TENM3: variants seen among roughly 807,000 people sequenced by gnomAD.
TENM3 encodes teneurin-3.
TENM3 carries 63 observed loss-of-function variants against 255.1 expected under a neutral mutation model. The observed-to-expected ratio is 0.25, with a 90% CI of 0.20 to 0.30. The LOEUF (loss-of-function observed/expected upper bound fraction) is 0.30, where lower values mean the gene tolerates loss of function less well. Among genes scored for constraint, TENM3 ranks in the 10% least tolerant of loss-of-function variants. The pLI, the probability that TENM3 is intolerant of heterozygous loss-of-function variation, is 1.00. For synonymous variants in TENM3, 1,306 were observed against 1,322.3 expected (o/e 0.99, Z 0.27); for missense variants, 2,929 against 3,461.1 (o/e 0.85, Z 3.86).
At chr4:181,615,879 T>C in the TENM3 span, among the ~76,000 whole-genome samples, 2 of 152,222 alleles carry the variant, frequency 1.3e-5, no homozygotes, top group Non-Finnish European at 2.9e-5. Context: ...GAGAAAGTCA[T>C]TTTATTATCC....
At chr4:181,959,376 G>A in the TENM3 span, among the ~76,000 whole-genome samples, 45 of 152,282 alleles carry the variant, frequency 3.0e-4, no homozygotes, top group Non-Finnish European at 6.2e-4. Flanking sequence ...GGATAACCAC[G>A]TAGCTCCAGT....
chr4:182,614,995 C>T (rs958104609), intron 4 of TENM3, among the ~76,000 whole-genome samples: 1 of 125,550 alleles, frequency 8.0e-6, no homozygotes, highest in South Asian at 2.5e-4. Context: ...TCAGCAGTTT[C>T]GAAGAAGAGT....
intron 3 of TENM3, among the ~76,000 whole-genome samples, chr4:182,459,127 C>T (rs1774127577): frequency 6.6e-6 from 1 of 152,204 alleles, no homozygotes; most frequent in Non-Finnish European, 1.5e-5. Context: ...TGCTTGCCTT[C>T]CTTCACAGGC....
intron 5 of TENM3, among the ~76,000 whole-genome samples, chr4:182,631,165 A>C (rs1227614688): frequency 1.3e-5 from 2 of 151,290 alleles, no homozygotes; most frequent in Non-Finnish European, 2.9e-5. Flanking sequence ...CTTTGCTTTT[A>C]TTTTTCCCCA....
the TENM3 span, among the ~76,000 whole-genome samples, chr4:181,908,361 G>C: frequency 2.0e-5 from 3 of 152,042 alleles, no homozygotes; most frequent in Non-Finnish European, 4.4e-5. Flanking sequence ...TGGTGTTAAG[G>C]GACATATTTC....
At chr4:182,389,835 G>A (rs897451597) in intron 3 of TENM3, among the ~76,000 whole-genome samples, 8 of 151,886 alleles carry the variant, frequency 5.3e-5, no homozygotes, top group South Asian at 2.1e-4. Context: ...ACAGGCGCCC[G>A]CCACCACTCC....
chr4:181,875,157 A>T, the TENM3 span, among the ~76,000 whole-genome samples: 1 of 152,174 alleles, frequency 6.6e-6, no homozygotes, highest in Admixed American at 6.6e-5. Flanking sequence ...CTAGCCAAAT[A>T]AAATACCCAC....
the TENM3 span, among the ~76,000 whole-genome samples, chr4:181,893,440 A>G: frequency 1.3e-5 from 2 of 151,122 alleles, no homozygotes; most frequent in Non-Finnish European, 2.9e-5. Context: ...CATCTAAGAC[A>G]CATTTCAAAA....
At chr4:181,605,605 G>GAAAGA in the TENM3 span, among the ~76,000 whole-genome samples, 2 of 122,304 alleles carry the variant, frequency 1.6e-5, no homozygotes, top group East Asian at 4.8e-4. Context: ...AAGAAAGAAA[G>GAAAGA]AAAGAAAGAA....
the TENM3 span, among the ~76,000 whole-genome samples, chr4:181,472,266 G>A: frequency 2.6e-5 from 4 of 152,244 alleles, no homozygotes; most frequent in South Asian, 6.2e-4. Flanking sequence ...GCTTGAGAGA[G>A]GACAGTGGAG....
At chr4:181,778,603 T>G in the TENM3 span, among the ~76,000 whole-genome samples, 1 of 152,182 alleles carries the variant, frequency 6.6e-6, no homozygotes, top group Non-Finnish European at 1.5e-5. Flanking sequence ...TCCCACTTTA[T>G]TAGTCAGTTT....
chr4:182,445,977 C>T (rs1772881292), intron 3 of TENM3, among the ~76,000 whole-genome samples: 1 of 152,194 alleles, frequency 6.6e-6, no homozygotes, highest in African/African-American at 2.4e-5. Context: ...TTACACGTCT[C>T]TGTGGAACTC....
the TENM3 span, among the ~76,000 whole-genome samples, chr4:181,834,280 A>G: frequency 6.6e-6 from 1 of 152,140 alleles, no homozygotes; most frequent in African/African-American, 2.4e-5. Flanking sequence ...ATTTTGTGTC[A>G]TGTTTGTTTG....
chr4:182,784,186 T>C (rs1765415079), intron 24 of TENM3, among the ~76,000 whole-genome samples: 1 of 152,206 alleles, frequency 6.6e-6, no homozygotes, highest in Non-Finnish European at 1.5e-5. Flanking sequence ...TTTGTGGTTT[T>C]ATCTACTTTT....
At chr4:182,033,706 A>C in the TENM3 span, among the ~76,000 whole-genome samples, 1 of 152,258 alleles carries the variant, frequency 6.6e-6, no homozygotes, top group Non-Finnish European at 1.5e-5. Flanking sequence ...CTGTTTTATG[A>C]AGCTGGGTGC....
At chr4:181,938,711 A>G in the TENM3 span, among the ~76,000 whole-genome samples, 222 of 152,286 alleles carry the variant, frequency 1.5e-3, no homozygotes, top group African/African-American at 5.1e-3. Context: ...GCCCTTTGAG[A>G]GTTTCTTGTG....
the TENM3 span, among the ~76,000 whole-genome samples, chr4:181,448,634 T>A: frequency 6.6e-6 from 1 of 152,196 alleles, no homozygotes; most frequent in Non-Finnish European, 1.5e-5. Flanking sequence ...AGTGAGATTG[T>A]TAAATGGAAA....
chr4:181,937,570 C>G, the TENM3 span, among the ~76,000 whole-genome samples: 2 of 152,318 alleles, frequency 1.3e-5, no homozygotes, highest in East Asian at 3.9e-4. Flanking sequence ...GAATAAAGAA[C>G]ATGAGGACAG....
At chr4:182,304,965 T>C (rs1464175379) in intron 1 of TENM3, among the ~76,000 whole-genome samples, 1 of 152,118 alleles carries the variant, frequency 6.6e-6, no homozygotes, top group Non-Finnish European at 1.5e-5. Flanking sequence ...TTTTTCTTCT[T>C]CTCCTCCTCT....
Sources: gnomAD v4.1 joint callset for allele counts (sites outside exome capture counted in the v4.1 genomes callset) on GRCh38, gnomAD v4.1.1 for gene constraint, MANE v1.5 for transcripts, NCBI Gene and HGNC (gene_info 2026-07-23, HGNC 2026-07-21) for gene names.